HHAT: variants seen among roughly 807,000 people sequenced by gnomAD.
HHAT encodes the protein hedgehog acyltransferase, also known as protein-cysteine N-palmitoyltransferase HHAT.
Under a neutral mutation model 70.8 loss-of-function variants are expected in HHAT, and 47 were observed. The ratio of observed to expected loss-of-function variants is 0.66; its 90% CI spans 0.53 to 0.85. HHAT has a LOEUF of 0.85. Ranked by LOEUF, HHAT falls within the 40% of genes least tolerant of loss-of-function variation. HHAT has a pLI of 0.00. For missense variants in HHAT, 609 were observed against 604.8 expected (o/e 1.01, Z -0.07); for synonymous variants, 228 against 247.6 (o/e 0.92, Z 0.74).
intron 11 of HHAT, among the ~76,000 whole-genome samples, chr1:210,638,600 G>A (rs1248592648): frequency 6.6e-6 from 1 of 151,810 alleles, no homozygotes. Flanking sequence ...TGAATATGGG[G>A]CTTGGTATGG....
chr1:210,387,713 C>A (rs2091189034), intron 4 of HHAT, 132 bp downstream of exon 4: 3 of 647,954 alleles, frequency 4.6e-6, no homozygotes, highest in Non-Finnish European at 8.1e-6. Flanking sequence ...AAGTTGTTAA[C>A]AATCAATATA....
chr1:210,650,325 T>C (rs1233697453), intron 11 of HHAT, among the ~76,000 whole-genome samples: 1 of 152,220 alleles, frequency 6.6e-6, no homozygotes, highest in East Asian at 1.9e-4. Context: ...TCAGGACTCC[T>C]GAGTCCAAGA....
chr1:210,502,471 A>G (rs1225059911), intron 8 of HHAT, among the ~76,000 whole-genome samples: 2 of 151,738 alleles, frequency 1.3e-5, no homozygotes, highest in African/African-American at 4.8e-5. Flanking sequence ...TATAGTACAT[A>G]TGTCATTTGA....
intron 7 of HHAT, among the ~76,000 whole-genome samples, chr1:210,450,864 C>T (rs12736400): frequency 0.13 from 19,275 of 151,774 alleles, 1,300 homozygotes; most frequent in African/African-American, 0.15. Context: ...GGGCAGATCA[C>T]GAGGTCAGGA....
chr1:210,461,189 C>G (rs1433464952), intron 7 of HHAT, among the ~76,000 whole-genome samples: 1 of 152,180 alleles, frequency 6.6e-6, no homozygotes, highest in Non-Finnish European at 1.5e-5. Flanking sequence ...CCATTGTATG[C>G]CCAAGAGAAT....
In HHAT at chr1:210,505,274, C is replaced by G. The variant is rs148377499; in HGVS notation, c.1008-7879C>G. 5.3e-5 allele frequency among the ~76,000 whole-genome samples: 8 copies of G among 152,140 alleles called. No individual in the cohort carries two copies. In the East Asian group the frequency reaches 1.5e-3, roughly 29 times the overall value. On this transcript the variant is annotated intron_variant, in intron 8 of 11. Transcript: ENST00000261458. ...GAGCTGAAGATGGTATGATATGGTG[C>G]CAGTTACTATGTGATGTCATCAGGA...
chr1:210,441,810 A>T (rs1445933073), intron 7 of HHAT, among the ~76,000 whole-genome samples: 1 of 151,872 alleles, frequency 6.6e-6, no homozygotes, highest in Non-Finnish European at 1.5e-5. Context: ...AAACATGTGT[A>T]TATGTATATA....
intron 11 of HHAT, among the ~76,000 whole-genome samples, chr1:210,640,419 T>C (rs572111467): frequency 1.3e-5 from 2 of 152,286 alleles, no homozygotes; most frequent in East Asian, 3.9e-4. Flanking sequence ...AATTAGATGT[T>C]AGTTGTAATG....
At chr1:210,575,404 C>G (rs1212392234) in intron 9 of HHAT, among the ~76,000 whole-genome samples, 1 of 152,014 alleles carries the variant, frequency 6.6e-6, no homozygotes, top group Non-Finnish European at 1.5e-5. Context: ...CTCTGCAGCA[C>G]TAAAGAGTGT....
At chr1:210,395,557 G>C (rs1249283729) in intron 4 of HHAT, among the ~76,000 whole-genome samples, 2 of 152,178 alleles carry the variant, frequency 1.3e-5, no homozygotes, top group African/African-American at 4.8e-5. Context: ...TGCCCCATCA[G>C]TTGTTAACTA....
At chr1:210,329,267 G>T in intron 1 of HHAT, 163 bp downstream of exon 1, 13 of 1,201,176 alleles carry the variant, frequency 1.1e-5, no homozygotes, top group East Asian at 1.0e-4. Flanking sequence ...CCGGTCGGGC[G>T]AAGAAGACAA....
At chr1:210,507,756 C>CA (rs1284448645) in intron 8 of HHAT, among the ~76,000 whole-genome samples, 1 of 152,070 alleles carries the variant, frequency 6.6e-6, no homozygotes, top group Non-Finnish European at 1.5e-5. Context: ...TTGGAAGGAA[C>CA]ATGAGTTAGG....
chr1:210,345,429 C>T (rs887007490), intron 1 of HHAT, among the ~76,000 whole-genome samples: 4 of 152,176 alleles, frequency 2.6e-5, no homozygotes, highest in African/African-American at 9.7e-5. Context: ...GCAGGAGGTG[C>T]TCCTTATAAT....
At chr1:210,378,215 G>A (rs2090375591) in intron 3 of HHAT, among the ~76,000 whole-genome samples, 1 of 152,182 alleles carries the variant, frequency 6.6e-6, no homozygotes, top group South Asian at 2.1e-4. Context: ...ATTAAGGTCA[G>A]TTTGCTGCCT....
chr1:210,539,756 A>T (rs1003526154), intron 9 of HHAT, among the ~76,000 whole-genome samples: 1 of 152,152 alleles, frequency 6.6e-6, no homozygotes, highest in Non-Finnish European at 1.5e-5. Flanking sequence ...CCACACACAG[A>T]GACAGGGCAG....
At chr1:210,657,917 G>A (rs1486225567) in intron 11 of HHAT, among the ~76,000 whole-genome samples, 1 of 152,126 alleles carries the variant, frequency 6.6e-6, no homozygotes, top group African/African-American at 2.4e-5. Flanking sequence ...TGGAAAATGA[G>A]GGCCAAATGT....
At chr1:210,441,338 C>G (rs1342319063) in intron 7 of HHAT, among the ~76,000 whole-genome samples, 3 of 152,202 alleles carry the variant, frequency 2.0e-5, no homozygotes, top group African/African-American at 7.2e-5. Context: ...CTGAAGCCTG[C>G]TGGGCCCAGA....
intron 8 of HHAT, among the ~76,000 whole-genome samples, chr1:210,493,973 G>A (rs2094591690): frequency 6.6e-6 from 1 of 152,152 alleles, no homozygotes; most frequent in Admixed American, 6.5e-5. Flanking sequence ...TTCCAGGTGT[G>A]GTCTGATGAA....
At chr1:210,565,462 T>A (rs1230026212) in intron 9 of HHAT, among the ~76,000 whole-genome samples, 3 of 152,206 alleles carry the variant, frequency 2.0e-5, no homozygotes, top group Admixed American at 6.5e-5. Flanking sequence ...GATGCAAATA[T>A]ATGGTTAGGA....
Sources: allele counts gnomAD v4.1 joint callset (sites outside exome capture counted in the v4.1 genomes callset), GRCh38; gene constraint gnomAD v4.1.1; transcripts MANE v1.5; gene names NCBI Gene and HGNC (gene_info 2026-07-23, HGNC 2026-07-21).